TG: variants seen among roughly 807,000 people sequenced by gnomAD.
TG encodes the protein thyroid hormones.
TG carries 270 observed loss-of-function variants against 324.7 expected under a neutral mutation model. That is an observed-to-expected ratio of 0.83 (90% CI 0.75 to 0.92). TG has a LOEUF of 0.92. TG is among the 40% of genes least tolerant of loss of function. The pLI is 0.00. For missense variants in TG, 3,591 were observed against 3,456.4 expected (o/e 1.04, Z -0.98); for synonymous variants, 1,401 against 1,327.0 (o/e 1.06, Z -1.21).
At chr8:133,022,684 T>A (rs1835669942) in intron 40 of TG, among the ~76,000 whole-genome samples, 3 of 152,160 alleles carry the variant, frequency 2.0e-5, no homozygotes, top group African/African-American at 7.2e-5. Flanking sequence ...TCACCCCATC[T>A]ATGGCCTCCA....
At chr8:133,118,648 C>T (rs1192066387) in intron 45 of TG, among the ~76,000 whole-genome samples, 5 of 152,178 alleles carry the variant, frequency 3.3e-5, no homozygotes, top group Admixed American at 3.3e-4. Flanking sequence ...TTTTATAGCA[C>T]TCCACAAAAA....
At chr8:133,094,263 T>TTGCC (rs1848066170) in intron 41 of TG, among the ~76,000 whole-genome samples, 1 of 144,046 alleles carries the variant, frequency 6.9e-6, no homozygotes, top group Non-Finnish European at 1.5e-5. Context: ...TTTTTTTTGA[T>TTGCC]GGAGTCTTGC....
intron 31 of TG, among the ~76,000 whole-genome samples, chr8:132,968,995 G>C (rs1829058892): frequency 6.6e-6 from 1 of 152,138 alleles, no homozygotes; most frequent in Non-Finnish European, 1.5e-5. Flanking sequence ...CCGTGGTGGG[G>C]AGAGGGCTGT....
At position 133,072,385 on chromosome 8, in the gene TG, C is replaced by T. The variant is rs575209083; in HGVS notation, c.7240-22659C>T. 5.3e-5 allele frequency among the ~76,000 whole-genome samples: 8 copies of T among 152,064 alleles called. No individual in the cohort carries two copies. The South Asian group carries it at 1.2e-3, about 24-fold the overall frequency. On this transcript the variant is annotated intron_variant, in intron 41 of 47. Transcript: ENST00000220616. ...AGGGAGATTGAGAGAGGGAGGAAGT[C>T]GATCACATGATGTGACCTCAATGGA...
chr8:132,909,823 G>C (rs185961691), intron 18 of TG, among the ~76,000 whole-genome samples: 6 of 152,276 alleles, frequency 3.9e-5, no homozygotes, highest in African/African-American at 1.4e-4. Flanking sequence ...GAGAGCTAAG[G>C]AGGTTCTGGG....
At chr8:132,971,048 C>T (rs865809411) in intron 32 of TG, among the ~76,000 whole-genome samples, 21 of 152,138 alleles carry the variant, frequency 1.4e-4, no homozygotes, top group Middle Eastern at 3.2e-3. Flanking sequence ...TGAGAAAGCT[C>T]TCAGGAGTCA....
intron 4 of TG, 106 bp downstream of exon 4, chr8:132,871,657 C>G (rs926134628): frequency 6.3e-6 from 7 of 1,108,662 alleles, no homozygotes; most frequent in Non-Finnish European, 9.0e-6. Flanking sequence ...GGCAGAGAAC[C>G]AGGCCCTCAT....
chr8:132,938,921 G>A (rs971696327), intron 25 of TG, among the ~76,000 whole-genome samples: 5 of 152,034 alleles, frequency 3.3e-5, no homozygotes, highest in Non-Finnish European at 5.9e-5. Context: ...GTGTGGTGGC[G>A]GGCGCCTGTA....
intron 43 of TG, among the ~76,000 whole-genome samples, chr8:133,097,657 G>A (rs1848625730): frequency 6.6e-6 from 1 of 152,140 alleles, no homozygotes; most frequent in South Asian, 2.1e-4. Flanking sequence ...ATGTTTTTCT[G>A]CATAGAAGGA....
intron 27 of TG, among the ~76,000 whole-genome samples, chr8:132,952,408 G>A (rs572729750): frequency 1.2e-4 from 19 of 152,262 alleles, no homozygotes; most frequent in African/African-American, 3.6e-4. Flanking sequence ...TGCAATGGGC[G>A]CATTCGTTCA....
At chr8:132,950,510 A>G (rs983589364) in intron 27 of TG, among the ~76,000 whole-genome samples, 14 of 152,142 alleles carry the variant, frequency 9.2e-5, no homozygotes, top group Admixed American at 2.6e-4. Context: ...ATTCCATGTC[A>G]CCTCCTCCAA....
chr8:133,072,555 G>A (rs2703004), intron 41 of TG, among the ~76,000 whole-genome samples: 92,963 of 152,074 alleles, frequency 0.61, 28,905 homozygotes, highest in East Asian at 0.79. Context: ...TATGCTGGAA[G>A]TTTTGATGGG....
At position 132,886,633 on chromosome 8, in the gene TG, C is replaced by T; in HGVS notation, c.1261C>T (p.Leu421Phe). 1.2e-6 allele frequency: 2 copies of T among 1,614,184 alleles called. No homozygotes were observed. Among genetic ancestry groups the T allele is most frequent in the Non-Finnish European group, 1.7e-6 (2 of 1,180,038 alleles). The change falls in exon 9 of 48, where the codon CTT becomes TTT. Residue 421 changes from leucine to phenylalanine, a missense_variant. Transcript: ENST00000220616. Reference protein sequence around the residue: ...TIKELFVDSGLLRPMVEGQSQ... With the variant: ...TIKELFVDSGFLRPMVEGQSQ... ...CAAGGAGCTCTTTGTGGACTCTGGG[C>T]TTCTCCGCCCAATGGTGGAGGGACA...
intron 35 of TG, among the ~76,000 whole-genome samples, chr8:132,989,349 A>G (rs570977738): frequency 3.9e-5 from 6 of 152,236 alleles, no homozygotes; most frequent in South Asian, 2.1e-4. Context: ...TCTCCATTCT[A>G]TGTGTGTTTC....
intron 41 of TG, among the ~76,000 whole-genome samples, chr8:133,072,035 G>A (rs528550266): frequency 7.0e-4 from 106 of 152,266 alleles, no homozygotes; most frequent in African/African-American, 2.5e-3. Context: ...ACCGTCTGAG[G>A]TAGCTATTTT....
chr8:132,993,651 G>T (rs1832599232), intron 35 of TG, among the ~76,000 whole-genome samples: 1 of 152,120 alleles, frequency 6.6e-6, no homozygotes, highest in Non-Finnish European at 1.5e-5. Flanking sequence ...AGTGAGCCTG[G>T]GAGGCACTTG....
intron 47 of TG, 62 bp downstream of exon 47, chr8:133,133,722 G>A (rs980202554): frequency 6.7e-5 from 104 of 1,558,716 alleles, no homozygotes; most frequent in African/African-American, 3.1e-4. Context: ...TGCTGTGCTC[G>A]CTGCATGAGA....
chr8:133,118,734 C>T (rs1269551944), intron 45 of TG, among the ~76,000 whole-genome samples: 1 of 152,080 alleles, frequency 6.6e-6, no homozygotes, highest in Non-Finnish European at 1.5e-5. Flanking sequence ...ACAGTCTATT[C>T]GAGCTGCCGT....
intron 41 of TG, among the ~76,000 whole-genome samples, chr8:133,032,927 G>A (rs2131005384): frequency 6.6e-6 from 1 of 152,286 alleles, no homozygotes; most frequent in Non-Finnish European, 1.5e-5. Flanking sequence ...GAAATTTGAG[G>A]CTCAGAGAGA....
Sources: gnomAD v4.1 joint callset for allele counts (sites outside exome capture counted in the v4.1 genomes callset) on GRCh38, gnomAD v4.1.1 for gene constraint, MANE v1.5 for transcripts, NCBI Gene and HGNC (gene_info 2026-07-23, HGNC 2026-07-21) for gene names.